Variants in ATG4D observed in about 807,000 individuals in gnomAD.
ATG4D encodes the protein cysteine protease ATG4D.
Under a neutral mutation model 55.2 loss-of-function variants are expected in ATG4D, and 51 were observed. The observed-to-expected ratio is 0.92, with a 90% CI of 0.74 to 1.17. The LOEUF is 1.17. Among genes scored for constraint, ATG4D ranks in the 50% most tolerant of loss-of-function variants. The pLI, the probability that ATG4D is intolerant of heterozygous loss-of-function variation, is 0.00. For synonymous variants in ATG4D, 268 were observed against 266.2 expected, an observed-to-expected ratio of 1.01 and a Z score of -0.07; for missense variants, 635 against 649.6, an observed-to-expected ratio of 0.98 and a Z score of 0.25.
intron 6 of ATG4D, among the ~76,000 whole-genome samples, chr19:10,549,951 C>T (rs766620385): frequency 2.0e-5 from 3 of 152,142 alleles, no homozygotes; most frequent in Middle Eastern, 6.8e-3. Context: ...TTTGGGAGGC[C>T]GAGGCAGGAG....
intron 9 of ATG4D, 77 bp from the exon 10 acceptor site, chr19:10,552,808 A>T (rs1916323086): frequency 6.9e-7 from 1 of 1,448,762 alleles, no homozygotes; most frequent in Non-Finnish European, 9.3e-7. Context: ...CCTGAGAAGC[A>T]CCTACTAAAT....
At position 10,547,213 on chromosome 19, in the gene ATG4D, C is replaced by T. The variant is rs758263166; in HGVS notation, c.795C>T (p.Asp265=). The part of the protein sequence containing the change: ...ILRKAVESCS[D]VTRLVVYVSQ... ...GGAAAGCCGTGGAGAGCTGCTCCGA[C>T]GTCACCCGCCTGGTGGTGTACGTTT... The change falls in exon 5 of 10, where the codon GAC becomes GAT. Residue 265 remains aspartate, a synonymous_variant. Coordinates refer to ENST00000309469, the MANE Select transcript of ATG4D (RefSeq NM_032885.6). 3.1e-6 allele frequency: 5 copies of T among 1,613,894 alleles called. No individual in the cohort carries two copies. Among genetic ancestry groups the T allele is most frequent in the African/African-American group, 2.7e-5 (2 of 74,928 alleles).
In ATG4D at chr19:10,545,150, G is replaced by A. The variant is rs749633194; in HGVS notation, c.493+20G>A. ...CCAGAGGTGAGCCATAGGGGGGAAG[G>A]GGTGCACTAGGAGTACAGGGTCAAC... On this transcript the variant is annotated intron_variant, in intron 3 of 9. Transcript: ENST00000309469. The A allele has an allele frequency of 6.2e-7, 1 of 1,604,122 alleles. No individual in the cohort carries two copies. The highest frequency in any genetic ancestry group is 8.5e-7 in the Non-Finnish European group (1 of 1,179,500).
intron 6 of ATG4D, among the ~76,000 whole-genome samples, chr19:10,549,674 C>G (rs1193953211): frequency 1.3e-5 from 2 of 152,202 alleles, no homozygotes; most frequent in Non-Finnish European, 2.9e-5. Context: ...CCACCTCAGC[C>G]TCCCAAAGTG....
In ATG4D at chr19:10,551,902, C is replaced by T. The variant is rs1254539261; in HGVS notation, c.972C>T (p.Leu324=). Residue 324 remains leucine, a synonymous_variant, in exon 7 of 10, where the codon CTC becomes CTT. Transcript: ENST00000309469. ...GCCTACCCTCCTCCCTGCAGGAACT[C>T]CTGCGTTGCGAGCTGTGCCTGGGCA... ...NPVYVPCVKE[L]LRCELCLGIM... 6.2e-7 allele frequency: 1 copy of T among 1,613,856 alleles called. No homozygotes were observed. The highest frequency in any genetic ancestry group is 1.7e-5 in the Admixed American group (1 of 59,972).
intron 6 of ATG4D, among the ~76,000 whole-genome samples, chr19:10,550,681 G>A (rs1032467627): frequency 6.7e-6 from 1 of 148,962 alleles, no homozygotes; most frequent in African/African-American, 2.5e-5. Flanking sequence ...GCTGCTTGGA[G>A]CACTCTTTCA....
At chr19:10,544,653 A>G in intron 1 of ATG4D, 130 bp from the exon 2 acceptor site, 2 of 1,492,138 alleles carry the variant, frequency 1.3e-6, no homozygotes, top group Non-Finnish European at 8.9e-7. Flanking sequence ...CCCACCTCCG[A>G]CGGAATCCCC....
chr19:10,547,626 G>GAAAAAAAAA, intron 5 of ATG4D, among the ~76,000 whole-genome samples: 1 of 49,244 alleles, frequency 2.0e-5, no homozygotes, highest in Non-Finnish European at 3.7e-5. Context: ...GGATCCTGTC[G>GAAAAAAAAA]AAAAAAAAAA....
At position 10,548,913 on chromosome 19, in the gene ATG4D, C is replaced by A. The variant is rs750481099; in HGVS notation, c.845C>A (p.Ala282Glu). 6.2e-7 allele frequency: 1 copy of A among 1,613,972 alleles called. No homozygotes were observed. Among genetic ancestry groups the A allele is most frequent in the Admixed American group, 1.7e-5 (1 of 59,970 alleles). Reference protein sequence around the residue: ...YVSQDCTVYKADVARLVARPD... With the variant: ...YVSQDCTVYKEDVARLVARPD... ...TGTCCCGTCCCTCCAGTGTACAAGG[C>A]GGATGTGGCACGCCTGGTGGCCAGG... is the stretch of plus-strand genomic sequence containing the variant. Residue 282 changes from alanine to glutamate, a missense_variant, in exon 6 of 10, where the codon GCG becomes GAG. Physicochemically the swap from Ala to Glu is moderately radical, Grantham distance 107. Transcript: ENST00000309469.
intron 6 of ATG4D, among the ~76,000 whole-genome samples, chr19:10,550,708 C>CTTTTTT (rs34184188): frequency 2.2e-4 from 22 of 100,056 alleles, no homozygotes; most frequent in African/African-American, 5.6e-4. Context: ...ATGCATGTGG[C>CTTTTTT]TTTTTTTTTT....
chr19:10,551,981 C>T lies in ATG4D; in HGVS notation c.1045+6C>T. The T allele has an allele frequency of 6.6e-7, 1 of 1,511,134 alleles. No individual in the cohort carries two copies. The highest frequency in any genetic ancestry group is 9.2e-7 in the Non-Finnish European group (1 of 1,091,932). The allele number at this position is 1,511,134 out of a possible 1,614,324, so 93.6% of individuals were successfully genotyped here. On this transcript the variant is annotated splice_donor_region_variant and intron_variant, in intron 7 of 9. Transcript: ENST00000309469. ...GTACTTCATTGGCTACCAAGGTAGG[C>T]CCACCCCCTCCTCACTCCTCCCACC...
Position 10,543,908 on chromosome 19 carries a change from T to C in ATG4D, c.-183T>C. On this transcript the variant is annotated 5_prime_UTR_variant, in exon 1 of 10. Coordinates refer to ENST00000309469, the MANE Select transcript of ATG4D (RefSeq NM_032885.6). ...CCACGCCCACCGTCATCCGGGGTCC[T>C]GGCCCGCTAAGATGGCGATGGCTGC... The C allele has an allele frequency of 2.5e-6, 1 of 394,394 alleles. No individual in the cohort carries two copies. Among genetic ancestry groups the C allele is most frequent in the African/African-American group, 2.1e-5 (1 of 48,154 alleles). The allele number at this position is 394,394 out of a possible 1,614,324, so 24.4% of individuals were successfully genotyped here. A position where few individuals can be genotyped will look rare whatever the true frequency, so the allele number is the denominator to read the frequency against.
In ATG4D at chr19:10,553,065, TA is replaced by T; in HGVS notation, c.*1del. 1 of 1,596,352 alleles carries T rather than the reference TA, an allele frequency of 6.3e-7. No homozygotes were observed. ...RPSSEDFVFL* is the reference protein window; with the variant it reads ...RPSSEDFVFLX Reference sequence around the variant, plus strand: ...CAGCTCTGAGGACTTTGTGTTTTTATAAAGGGAGGGGATGAGGGGAAAGATA... The same window carrying T: ...CAGCTCTGAGGACTTTGTGTTTTTATAAGGGAGGGGATGAGGGGAAAGATA... On this transcript the variant is annotated frameshift_variant and stop_lost, in exon 10 of 10. Coordinates refer to ENST00000309469, the MANE Select transcript of ATG4D (RefSeq NM_032885.6). LOFTEE classifies it high-confidence loss of function.
intron 6 of ATG4D, among the ~76,000 whole-genome samples, chr19:10,550,708 CTTT>C (rs34184188): frequency 2.7e-4 from 27 of 100,050 alleles, no homozygotes; most frequent in African/African-American, 8.8e-4. Flanking sequence ...ATGCATGTGG[CTTT>C]TTTTTTTTTT....
At chr19:10,548,850 G>A (rs1387294341) in intron 5 of ATG4D, 54 bp from the exon 6 acceptor site, 12 of 1,595,248 alleles carry the variant, frequency 7.5e-6, no homozygotes, top group East Asian at 2.3e-5. Context: ...AGAGGGCTAC[G>A]CTGGGGCTTG....
In ATG4D at chr19:10,551,927, A is replaced by G. The variant is rs757230666; in HGVS notation, c.997A>G (p.Ile333Val). ...ELLRCELCLG[I>V]MGGKPRHSLY... ...CCTGCGTTGCGAGCTGTGCCTGGGC[A>G]TCATGGGTGGGAAACCGCGACACTC... Residue 333 changes from isoleucine (I) to valine (V), a missense_variant, in exon 7 of 10, where the codon ATC becomes GTC. Ile to Val is a conservative substitution (Grantham distance 29). Coordinates refer to ENST00000309469, the MANE Select transcript of ATG4D (RefSeq NM_032885.6). The G allele has an allele frequency of 2.7e-5, 44 of 1,613,876 alleles. No individual in the cohort carries two copies. Among genetic ancestry groups the G allele is most frequent in the Admixed American group, 8.3e-5 (5 of 59,958 alleles).
intron 6 of ATG4D, among the ~76,000 whole-genome samples, chr19:10,550,816 A>G (rs1395140437): frequency 7.0e-6 from 1 of 143,680 alleles, no homozygotes; most frequent in Non-Finnish European, 1.5e-5. Context: ...GGTTCATGCC[A>G]TTCTCCTGCC....
Position 10,543,918 on chromosome 19 carries a change from A to T in ATG4D, c.-173A>T. 1 of 405,846 alleles carries T rather than the reference A, an allele frequency of 2.5e-6. No homozygotes were observed. Among genetic ancestry groups the T allele is most frequent in the Non-Finnish European group, 4.2e-6 (1 of 239,218 alleles). 25.1% of individuals were successfully genotyped at this position (405,846 alleles called of 1,614,324 possible). ...CGTCATCCGGGGTCCTGGCCCGCTAAGATGGCGATGGCTGCGGTAGCAGCG... is the reference window on the plus strand; with the variant it reads ...CGTCATCCGGGGTCCTGGCCCGCTATGATGGCGATGGCTGCGGTAGCAGCG... On this transcript the variant is annotated 5_prime_UTR_variant, in exon 1 of 10. In the 5' UTR this introduces an upstream ATG that the reference lacks. Coordinates refer to ENST00000309469, the MANE Select transcript of ATG4D (RefSeq NM_032885.6).
At position 10,544,124 on chromosome 19, in the gene ATG4D, C is replaced by T. The variant is rs1000543180; in HGVS notation, c.34C>T (p.Arg12Trp). Reference protein sequence around the residue: ...NSVSPAAAQYRSSSPEDARRR... With the variant: ...NSVSPAAAQYWSSSPEDARRR... The stretch of plus-strand genomic sequence containing the variant: ...AGTGTCGCCGGCCGCCGCGCAGTAC[C>T]GGAGCAGCAGCCCGGAGGACGCGCG... Residue 12 changes from arginine (R) to tryptophan (W), a missense_variant, in exon 1 of 10, where the codon CGG becomes TGG. Arg to Trp is a moderately radical substitution (Grantham distance 101, BLOSUM62 -3). Coordinates refer to ENST00000309469, the MANE Select transcript of ATG4D (RefSeq NM_032885.6). 79 of 1,243,104 alleles carry T rather than the reference C, an allele frequency of 6.4e-5. No homozygotes were observed. Among genetic ancestry groups the T allele is most frequent in the Non-Finnish European group, 7.6e-5 (75 of 986,424 alleles). 77.0% of individuals were successfully genotyped at this position (1,243,104 alleles called of 1,614,324 possible). A position where few individuals can be genotyped will look rare whatever the true frequency, so the allele number is the denominator to read the frequency against.
Sources: gnomAD v4.1 joint callset for allele counts (sites outside exome capture counted in the v4.1 genomes callset) on GRCh38, gnomAD v4.1.1 for gene constraint, MANE v1.5 for transcripts, NCBI Gene and HGNC (gene_info 2026-07-23, HGNC 2026-07-21) for gene names.